The following EXOC6B variants were observed in gnomAD, a reference collection of about 807,000 sequenced individuals.
The protein encoded by EXOC6B is SEC15 homolog B.
EXOC6B carries 54 observed loss-of-function variants against 113.5 expected under a neutral mutation model. The observed-to-expected ratio is 0.48, with a 90% confidence interval of 0.38 to 0.60. The LOEUF is 0.60. Among genes scored for constraint, EXOC6B ranks in the 20% least tolerant of loss-of-function variants. The pLI is 0.00. For missense variants in EXOC6B, 797 were observed against 977.5 expected (o/e 0.82, Z 2.46); for synonymous variants, 357 against 339.0 (o/e 1.05, Z -0.58).
chr2:72,235,194 A>G (rs1432554315), intron 20 of EXOC6B, among the ~76,000 whole-genome samples: 1 of 152,258 alleles, frequency 6.6e-6, no homozygotes, highest in Non-Finnish European at 1.5e-5. Context: ...TGGTACATAT[A>G]CACCATGGAA....
chr2:72,258,535 T>A (rs918654238), intron 20 of EXOC6B, among the ~76,000 whole-genome samples: 33 of 151,448 alleles, frequency 2.2e-4, no homozygotes, highest in Non-Finnish European at 3.1e-4. Context: ...GCTAATTTTT[T>A]AAATTTTTTC....
At chr2:72,595,282 TAG>T (rs1258250914) in intron 6 of EXOC6B, among the ~76,000 whole-genome samples, 172 of 146,678 alleles carry the variant, frequency 1.2e-3, no homozygotes, top group African/African-American at 4.1e-3. Flanking sequence ...TATAGATATA[TAG>T]ATATATATAT....
chr2:72,515,643 G>A, intron 8 of EXOC6B: 1 of 988,650 alleles, frequency 1.0e-6, no homozygotes, highest in Non-Finnish European at 1.2e-6. Context: ...AAAAACAAAA[G>A]CATGAAGATT....
At chr2:72,252,182 C>G (rs1240188926) in intron 20 of EXOC6B, among the ~76,000 whole-genome samples, 1 of 152,118 alleles carries the variant, frequency 6.6e-6, no homozygotes, top group African/African-American at 2.4e-5. Context: ...GCATTGGAGC[C>G]ATAGAAGGGG....
intron 19 of EXOC6B, among the ~76,000 whole-genome samples, chr2:72,346,835 T>C (rs1236115065): frequency 6.6e-6 from 1 of 152,158 alleles, no homozygotes; most frequent in Non-Finnish European, 1.5e-5. Flanking sequence ...TAGTATTCCA[T>C]AGACAAATAA....
chr2:72,184,728 C>G (rs1678311670), intron 20 of EXOC6B, among the ~76,000 whole-genome samples: 2 of 152,110 alleles, frequency 1.3e-5, no homozygotes, highest in Non-Finnish European at 2.9e-5. Context: ...TATACACATG[C>G]CTATATACAA....
chr2:72,609,025 G>A (rs186926748), intron 6 of EXOC6B, among the ~76,000 whole-genome samples: 4 of 152,216 alleles, frequency 2.6e-5, no homozygotes, highest in East Asian at 3.9e-4. Flanking sequence ...CAAACACAAA[G>A]CCACTTATTC....
At chr2:72,296,899 C>T (rs1686171037) in intron 20 of EXOC6B, among the ~76,000 whole-genome samples, 1 of 152,180 alleles carries the variant, frequency 6.6e-6, no homozygotes, top group Admixed American at 6.5e-5. Context: ...GAGGCTAAAC[C>T]TGCAGAAGGA....
intron 17 of EXOC6B, among the ~76,000 whole-genome samples, chr2:72,480,148 G>A (rs1040254522): frequency 6.6e-6 from 1 of 151,724 alleles, no homozygotes; most frequent in African/African-American, 2.4e-5. Flanking sequence ...GGGTTGCGGT[G>A]AGCCAAGATT....
chr2:72,773,561 G>A (rs530901576), intron 1 of EXOC6B, among the ~76,000 whole-genome samples: 32 of 150,844 alleles, frequency 2.1e-4, no homozygotes, highest in Non-Finnish European at 4.3e-4. Flanking sequence ...TATACCTTAG[G>A]TATATACTTT....
Position 72,816,020 on chromosome 2 carries a change from G to A in EXOC6B, c.113+9778C>T, listed in dbSNP as rs1020996682. Among the ~76,000 whole-genome samples, 5 of 152,280 alleles carry A rather than the reference G, an allele frequency of 3.3e-5. No individual in the cohort carries two copies. In the East Asian group the frequency reaches 7.7e-4, roughly 24 times the overall value. On this transcript the variant is annotated intron_variant, in intron 1 of 21. Transcript: ENST00000272427. ...CTAAAACTACAAAAATCAGCCGGGC[G>A]TGGTGATGGGCACCTGTAATCCCAG...
intron 6 of EXOC6B, among the ~76,000 whole-genome samples, chr2:72,695,412 TA>T (rs1677801396): frequency 6.6e-6 from 1 of 152,132 alleles, no homozygotes; most frequent in African/African-American, 2.4e-5. Context: ...CCTCATATGT[TA>T]GGAATAAACA....
chr2:72,570,865 G>T (rs114531833), intron 7 of EXOC6B, among the ~76,000 whole-genome samples: 2,706 of 152,044 alleles, frequency 0.018, 92 homozygotes, highest in African/African-American at 0.062. Context: ...TCAACTTATA[G>T]TTCACCTTTA....
chr2:72,624,198 GCA>G (rs1163131622), intron 6 of EXOC6B, among the ~76,000 whole-genome samples: 1 of 151,816 alleles, frequency 6.6e-6, no homozygotes, highest in East Asian at 1.9e-4. Context: ...GAATGCAGTG[GCA>G]CACACTCCTG....
At chr2:72,775,602 A>G (rs976140357) in intron 1 of EXOC6B, among the ~76,000 whole-genome samples, 1 of 152,188 alleles carries the variant, frequency 6.6e-6, no homozygotes, top group Non-Finnish European at 1.5e-5. Flanking sequence ...TATGCTCACA[A>G]CAACAAATGA....
At chr2:72,300,890 C>G (rs1265116915) in intron 20 of EXOC6B, among the ~76,000 whole-genome samples, 1 of 152,122 alleles carries the variant, frequency 6.6e-6, no homozygotes, top group Non-Finnish European at 1.5e-5. Flanking sequence ...TGAGATGAAC[C>G]GGGTACCTCA....
intron 6 of EXOC6B, among the ~76,000 whole-genome samples, chr2:72,620,654 C>T (rs1671690503): frequency 6.6e-6 from 1 of 151,792 alleles, no homozygotes; most frequent in Admixed American, 6.6e-5. Context: ...AAATTGAAAA[C>T]CGGAAGCAAG....
At chr2:72,652,144 A>T (rs1674214374) in intron 6 of EXOC6B, among the ~76,000 whole-genome samples, 1 of 152,026 alleles carries the variant, frequency 6.6e-6, no homozygotes, top group Non-Finnish European at 1.5e-5. Flanking sequence ...GAATTACGAC[A>T]TATAATGTAT....
chr2:72,379,004 A>G (rs1271719384), intron 19 of EXOC6B, among the ~76,000 whole-genome samples: 1 of 152,210 alleles, frequency 6.6e-6, no homozygotes, highest in Non-Finnish European at 1.5e-5. Flanking sequence ...TCAATGAGAC[A>G]TACAGGAAAG....
Sources: gnomAD v4.1 joint callset for allele counts (sites outside exome capture counted in the v4.1 genomes callset) on GRCh38, gnomAD v4.1.1 for gene constraint, MANE v1.5 for transcripts, NCBI Gene and HGNC (gene_info 2026-07-23, HGNC 2026-07-21) for gene names.